The following WNK4 variants were observed in gnomAD, a reference collection of about 807,000 sequenced individuals.
WNK4 encodes the protein serine/threonine-protein kinase WNK4.
In WNK4, 94 loss-of-function variants were observed where a neutral mutation model predicts 116.2. The ratio of observed to expected loss-of-function variants is 0.81; its 90% CI spans 0.68 to 0.96. The LOEUF (loss-of-function observed/expected upper bound fraction) is 0.96. WNK4 is among the 40% of genes least tolerant of loss of function. The pLI, the probability that WNK4 is intolerant of heterozygous loss-of-function variation, is 0.00. For synonymous variants in WNK4, 655 were observed against 672.7 expected, an observed-to-expected ratio of 0.97 and a Z score of 0.41; for missense variants, 1,542 against 1,650.6, an observed-to-expected ratio of 0.93 and a Z score of 1.14.
In WNK4 at chr17:42,796,971, G is replaced by T; in HGVS notation, c.*283G>T. On this transcript the variant is annotated 3_prime_UTR_variant, in exon 19 of 19. Transcript: ENST00000246914. ...CCACTAAGCAATCCCACCCAAGCCT[G>T]GATGCTTCTAGAGGGGCCCACTCCC... is the stretch of plus-strand genomic sequence containing the variant. 1.7e-6 allele frequency: 1 copy of T among 583,314 alleles called. No individual in the cohort carries two copies. Among genetic ancestry groups the T allele is most frequent in the Non-Finnish European group, 3.0e-6 (1 of 333,860 alleles). 36.1% of individuals were successfully genotyped at this position (583,314 alleles called of 1,614,324 possible).
chr17:42,793,829 C>A, intron 12 of WNK4, 100 bp downstream of exon 12: 3 of 1,433,842 alleles, frequency 2.1e-6, no homozygotes, highest in Non-Finnish European at 2.9e-6. Context: ...AACTCCTCTT[C>A]ATCTCTGGGA....
At position 42,788,423 on chromosome 17, in the gene WNK4, A is replaced by G. The variant is rs1219620992; in HGVS notation, c.2040+16A>G. 1 of 1,609,922 alleles carries G rather than the reference A, an allele frequency of 6.2e-7. No individual in the cohort carries two copies. Among genetic ancestry groups the G allele is most frequent in the Non-Finnish European group, 8.5e-7 (1 of 1,177,932 alleles). ...GGTCACTAGTGTAAGGATGGAGTAC[A>G]GGAGATAGAGAGTAACCTACAGGGC... is the stretch of plus-strand genomic sequence containing the variant. On this transcript the variant is annotated intron_variant, in intron 10 of 18. Coordinates refer to ENST00000246914, the MANE Select transcript of WNK4 (RefSeq NM_032387.5).
At position 42,796,918 on chromosome 17, in the gene WNK4, C is replaced by A. The variant is rs1006235563; in HGVS notation, c.*230C>A. On this transcript the variant is annotated 3_prime_UTR_variant, in exon 19 of 19. Coordinates refer to ENST00000246914, the MANE Select transcript of WNK4 (RefSeq NM_032387.5). ...TAGTTCTGCTGCCTACCATCTTCATCTCTAGCACCTCCCCTGCCAAGAGTC... is the reference window on the plus strand; with the variant it reads ...TAGTTCTGCTGCCTACCATCTTCATATCTAGCACCTCCCCTGCCAAGAGTC... 7.7e-6 allele frequency: 6 copies of A among 782,848 alleles called. No homozygotes were observed. Among genetic ancestry groups the A allele is most frequent in the Non-Finnish European group, 1.2e-5 (6 of 502,744 alleles). The allele number at this position is 782,848 out of a possible 1,614,324, so 48.5% of individuals were successfully genotyped here. A position where few individuals can be genotyped will look rare whatever the true frequency, so the allele number is the denominator to read the frequency against.
chr17:42,784,569 A>G lies in WNK4; in HGVS notation c.1160A>G (p.Lys387Arg). ...CAGAATGCCGCGCAAATCTACCGCA[A>G]GGTCACTTCGGTGAGAGGGATGGGG... ...ECQNAAQIYR[K>R]VTSGRKPNSF... The change falls in exon 4 of 19, where the codon AAG (lysine) becomes AGG (arginine). Residue 387 changes from lysine to arginine, a missense_variant. This residue lies in a region of WNK4 where 808 missense variants were observed against 873.6 expected (regional missense o/e 0.92). Transcript: ENST00000246914. The surrounding 1 kb of genome is among the most constrained non-coding windows in gnomAD (Gnocchi z 4.4). The G allele has an allele frequency of 1.9e-6, 3 of 1,614,174 alleles. No homozygotes were observed. Among genetic ancestry groups the G allele is most frequent in the Non-Finnish European group, 2.5e-6 (3 of 1,180,032 alleles).
intron 6 of WNK4, among the ~76,000 whole-genome samples, chr17:42,785,993 T>C (rs539089117): frequency 1.3e-5 from 2 of 152,234 alleles, no homozygotes; most frequent in Non-Finnish European, 2.9e-5. Flanking sequence ...GACTGTGTTT[T>C]ATCGATTCTT....
intron 2 of WNK4, 159 bp from the exon 3 acceptor site, chr17:42,783,778 C>T (rs546374534): frequency 1.4e-6 from 1 of 711,510 alleles, no homozygotes; most frequent in Non-Finnish European, 2.4e-6. Context: ...CCCCCTGACT[C>T]AGTTTCTCCC....
rs1254872330 is a variant in WNK4, at chr17:42,796,179, T to A, written c.3488T>A (p.Leu1163Ter). The change falls in exon 17 of 19, where the codon TTG (leucine) becomes TAG (stop). Residue 1163 changes from leucine (L) to a stop codon, truncating the protein, a stop_gained. Coordinates refer to ENST00000246914, the MANE Select transcript of WNK4 (RefSeq NM_032387.5). LOFTEE classifies it high-confidence loss of function. ...QTLQKKEIED[L>*]YSRLGKQPPP... ...CTACAGAAAAAAGAAATTGAAGATT[T>A]GTACAGCCGGCTGGGGAAGCAGCCC... The A allele has an allele frequency of 1.2e-6, 2 of 1,614,062 alleles. No individual in the cohort carries two copies. The highest frequency in any genetic ancestry group is 4.5e-5 in the East Asian group (2 of 44,880).
Position 42,781,042 on chromosome 17 carries a change from C to A in WNK4, c.344C>A (p.Pro115His). ...PPEGTWTEGA[P>H]VKAAEDSARP... ...GAGGGCACGTGGACCGAGGGAGCCCCTGTGAAGGCTGCGGAAGACTCCGCG... is the reference window on the plus strand; with the variant it reads ...GAGGGCACGTGGACCGAGGGAGCCCATGTGAAGGCTGCGGAAGACTCCGCG... The change falls in exon 1 of 19, where the codon CCT (proline) becomes CAT (histidine). Residue 115 changes from proline to histidine, a missense_variant. Pro to His is a moderately conservative substitution (Grantham distance 77). Transcript: ENST00000246914. 6.2e-7 allele frequency: 1 copy of A among 1,611,220 alleles called. No homozygotes were observed. Among genetic ancestry groups the A allele is most frequent in the Non-Finnish European group, 8.5e-7 (1 of 1,179,502 alleles).
rs556343431 is a variant in WNK4 at position 42,796,823 on chromosome 17, G to A, written c.*135G>A. The stretch of plus-strand genomic sequence containing the variant: ...CACTGAAGGGGTAGAAGGCCAGGGG[G>A]GCATGGAGAGTGCAGCTCCATTATA... On this transcript the variant is annotated 3_prime_UTR_variant, in exon 19 of 19. Coordinates refer to ENST00000246914, the MANE Select transcript of WNK4 (RefSeq NM_032387.5). 3.2e-6 allele frequency: 5 copies of A among 1,576,152 alleles called. No individual in the cohort carries two copies. In the Admixed American group the frequency reaches 6.8e-5, roughly 21 times the overall value.
Position 42,781,041 on chromosome 17 carries a change from C to A in WNK4, c.343C>A (p.Pro115Thr), listed in dbSNP as rs2054477350. Residue 115 changes from proline to threonine, a missense_variant, in exon 1 of 19, where the codon CCT (proline) becomes ACT (threonine). Pro to Thr is a conservative substitution (Grantham distance 38). Coordinates refer to ENST00000246914, the MANE Select transcript of WNK4 (RefSeq NM_032387.5). ...PPEGTWTEGA[P>T]VKAAEDSARP... ...CGAGGGCACGTGGACCGAGGGAGCCCCTGTGAAGGCTGCGGAAGACTCCGC... is the reference window on the plus strand; with the variant it reads ...CGAGGGCACGTGGACCGAGGGAGCCACTGTGAAGGCTGCGGAAGACTCCGC... 2.5e-6 allele frequency: 4 copies of A among 1,611,248 alleles called. No individual in the cohort carries two copies. Among genetic ancestry groups the A allele is most frequent in the African/African-American group, 1.3e-5 (1 of 75,032 alleles).
At chr17:42,791,964 A>T (rs2054611831) in intron 11 of WNK4, among the ~76,000 whole-genome samples, 1 of 151,772 alleles carries the variant, frequency 6.6e-6, no homozygotes. Context: ...AAAAAAAAAA[A>T]TAATAATGTA....
rs1178463784 is a variant in WNK4, at chr17:42,784,684, T to TA, written c.1170+106dup. 1 of 1,453,642 alleles carries TA rather than the reference T, an allele frequency of 6.9e-7. No individual in the cohort carries two copies. The allele number at this position is 1,453,642 out of a possible 1,614,324, so 90.0% of individuals were successfully genotyped here. On this transcript the variant is annotated intron_variant, in intron 4 of 18. Transcript: ENST00000246914. The surrounding 1 kb of genome is among the most constrained non-coding windows in gnomAD (Gnocchi z 4.4). ...GCCCTTTGCCTGCACGAAAACAGGC[T>TA]AGACACAGAGTCGCCTTGGTGAACA...
rs1279836679 is a variant in WNK4, at chr17:42,796,221, C to A, written c.3530C>A (p.Ala1177Asp). ...AAGCAGCCCCCACCGGGTATTGTGG[C>A]CCCAGCTGCTATGCTGTCCAGCCGC... ...LGKQPPPGIVAPAAMLSSRQR... is the reference protein window; with the variant it reads ...LGKQPPPGIVDPAAMLSSRQR... The change falls in exon 17 of 19, where the codon GCC (alanine) becomes GAC (aspartate). Residue 1177 changes from alanine (A) to aspartate (D), a missense_variant. This residue lies in a region of WNK4 where 148 missense variants were observed against 157.2 expected (regional missense o/e 0.94). Transcript: ENST00000246914. 1 of 1,613,738 alleles carries A rather than the reference C, an allele frequency of 6.2e-7. No homozygotes were observed. The highest frequency in any genetic ancestry group is 8.5e-7 in the Non-Finnish European group (1 of 1,179,914).
In WNK4 at chr17:42,795,009, T is replaced by G. The variant is rs545588214; in HGVS notation, c.2588T>G (p.Leu863Arg). The change falls in exon 14 of 19, where the codon CTT (leucine) becomes CGT (arginine). Residue 863 changes from leucine to arginine, a missense_variant. Physicochemically the swap from Leu to Arg is moderately radical, Grantham distance 102. Coordinates refer to ENST00000246914, the MANE Select transcript of WNK4 (RefSeq NM_032387.5). ...TCTCCACACCCCACCAGCTCTCCAC[T>G]TCCATTCTCCTCCAGCACACCCGAG... is the stretch of plus-strand genomic sequence containing the variant. Reference protein sequence around the residue: ...NPSPHPTSSPLPFSSSTPEFP... With the variant: ...NPSPHPTSSPRPFSSSTPEFP... 72 of 1,523,030 alleles carry G rather than the reference T, an allele frequency of 4.7e-5. No homozygotes were observed. The South Asian group carries it at 7.3e-4, about 15-fold the overall frequency. 94.3% of individuals were successfully genotyped at this position (1,523,030 alleles called of 1,614,324 possible). A position where few individuals can be genotyped will look rare whatever the true frequency, so the allele number is the denominator to read the frequency against.
In WNK4 at chr17:42,780,620, G is replaced by A. The variant is rs1380022262; in HGVS notation, c.-79G>A. 3 of 1,570,056 alleles carry A rather than the reference G, an allele frequency of 1.9e-6. No individual in the cohort carries two copies. Among genetic ancestry groups the A allele is most frequent in the Non-Finnish European group, 2.6e-6 (3 of 1,161,762 alleles). ...CGCAGCCGCTCAGCCGGAGCGCAGC[G>A]CACCCAGCGAGTCCGTCTGTCAGGC... On this transcript the variant is annotated 5_prime_UTR_variant, in exon 1 of 19. Transcript: ENST00000246914.
chr17:42,787,730 T>C (rs1216413909), intron 7 of WNK4, 48 bp from the exon 8 acceptor site: 1 of 1,606,394 alleles, frequency 6.2e-7, no homozygotes, highest in Non-Finnish European at 8.5e-7. Context: ...CCTCTGCCAC[T>C]ATTCCCTTTT....
intron 6 of WNK4, among the ~76,000 whole-genome samples, chr17:42,786,802 G>A (rs1022712900): frequency 1.8e-4 from 28 of 152,278 alleles, no homozygotes; most frequent in Admixed American, 1.8e-3. Flanking sequence ...TCCATAGCAC[G>A]GCCCAACCTG....
rs775594265 is a variant in WNK4, at chr17:42,780,709, C to T, written c.11C>T (p.Ser4Phe). ...GCCCTGCTCTTCCTCATGTTGGCAT[C>T]CCCGGCCACGGAGACCACCGTCCTC... MLA[S>F]PATETTVLMS... The change falls in exon 1 of 19, where the codon TCC (serine) becomes TTC (phenylalanine). Residue 4 changes from serine (S) to phenylalanine (F), a missense_variant. Physicochemically the swap from Ser to Phe is radical, Grantham distance 155. This residue lies in a region of WNK4 where 243 missense variants were observed against 217.8 expected (regional missense o/e 1.12). Transcript: ENST00000246914. 24 of 1,608,392 alleles carry T rather than the reference C, an allele frequency of 1.5e-5. No homozygotes were observed. Among genetic ancestry groups the T allele is most frequent in the Non-Finnish European group, 1.9e-5 (23 of 1,179,518 alleles).
rs1460876703 is a variant in WNK4 at position 42,794,950 on chromosome 17, C to T, written c.2529C>T (p.Phe843=). ...CATGTCATCCCAGCCCCTCCCCATT[C>T]TCCCCCATTTCTTCCCAGGTCTCCT... ...SPPCHPSPSP[F]SPISSQVSSN... is the part of the protein sequence containing the mutation. The change falls in exon 14 of 19, where the codon TTC becomes TTT. Residue 843 remains phenylalanine (F), a synonymous_variant. Coordinates refer to ENST00000246914, the MANE Select transcript of WNK4 (RefSeq NM_032387.5). 2.5e-6 allele frequency: 4 copies of T among 1,594,158 alleles called. No individual in the cohort carries two copies. Among genetic ancestry groups the T allele is most frequent in the Non-Finnish European group, 3.4e-6 (4 of 1,168,940 alleles).
Sources: gnomAD v4.1 joint callset for allele counts (sites outside exome capture counted in the v4.1 genomes callset) on GRCh38, gnomAD v4.1.1 for gene constraint, gnomAD v4.1.1 regional missense constraint, Gnocchi (gnomAD v3.1) non-coding constraint, MANE v1.5 for transcripts, NCBI Gene and HGNC (gene_info 2026-07-23, HGNC 2026-07-21) for gene names.